IL1RAPL1: variants seen among roughly 807,000 people sequenced by gnomAD.
The protein encoded by IL1RAPL1 is interleukin 1 receptor accessory protein like 1, also known as interleukin-1 receptor accessory protein-like 1.
IL1RAPL1 carries 3 observed loss-of-function variants against 48.4 expected under a neutral mutation model. That is an observed-to-expected ratio of 0.06 (90% CI 0.03 to 0.16). The LOEUF (loss-of-function observed/expected upper bound fraction) is 0.16. Among genes scored for constraint, IL1RAPL1 ranks in the 10% least tolerant of loss-of-function variants. The pLI is 1.00. For missense variants in IL1RAPL1, 349 were observed against 530.6 expected (o/e 0.66, Z 3.36); for synonymous variants, 185 against 187.7 (o/e 0.99, Z 0.12).
chrX:29,778,001 G>T (rs887370256), intron 6 of IL1RAPL1, among the ~76,000 whole-genome samples: 1 of 105,487 alleles, frequency 9.5e-6, no homozygotes, highest in Admixed American at 1.0e-4. Flanking sequence ...TCATTTATAC[G>T]ATATATATTG....
chrX:29,540,729 T>C (rs1281760265), intron 5 of IL1RAPL1, among the ~76,000 whole-genome samples: 1 of 111,928 alleles, frequency 8.9e-6, no homozygotes, highest in Non-Finnish European at 1.9e-5. Flanking sequence ...GCTAGCCATA[T>C]GCAGAATAAT....
At chrX:28,703,917 C>T (rs1024655848) in intron 1 of IL1RAPL1, among the ~76,000 whole-genome samples, 4 of 111,854 alleles carry the variant, frequency 3.6e-5, no homozygotes, top group Non-Finnish European at 7.5e-5. Flanking sequence ...ACCTAGCTTG[C>T]TCTCTTTTCT....
intron 1 of IL1RAPL1, among the ~76,000 whole-genome samples, chrX:28,722,008 T>A (rs1935590367): frequency 9.0e-6 from 1 of 111,679 alleles, no homozygotes; most frequent in African/African-American, 3.3e-5. Context: ...CCTTGTAGTA[T>A]AGTTTGAAGT....
At chrX:29,507,024 T>A (rs777619041) in intron 5 of IL1RAPL1, among the ~76,000 whole-genome samples, 14 of 109,784 alleles carry the variant, frequency 1.3e-4, no homozygotes, top group African/African-American at 4.3e-4. Flanking sequence ...ATTCTCTTAT[T>A]CTCTGTCAGA....
chrX:29,456,854 C>A (rs1459671411), intron 5 of IL1RAPL1, among the ~76,000 whole-genome samples: 3 of 111,727 alleles, frequency 2.7e-5, no homozygotes, highest in African/African-American at 9.7e-5. Context: ...TGAGCCCAAG[C>A]TGGTACGGTA....
At chrX:29,069,382 G>A (rs1054081678) in intron 2 of IL1RAPL1, among the ~76,000 whole-genome samples, 3 of 111,468 alleles carry the variant, frequency 2.7e-5, no homozygotes, top group African/African-American at 9.8e-5. Context: ...GAATGTGGAG[G>A]TTGTCATAAA....
chrX:29,611,311 A>G (rs1024173060), intron 5 of IL1RAPL1, among the ~76,000 whole-genome samples: 2 of 111,964 alleles, frequency 1.8e-5, no homozygotes, highest in Non-Finnish European at 3.8e-5. Flanking sequence ...ACAGTCTTAT[A>G]CTAACCTGAA....
intron 8 of IL1RAPL1, 124 bp downstream of exon 8, chrX:29,920,218 A>G (rs1932834674): frequency 1.1e-6 from 1 of 886,476 alleles, no homozygotes. Flanking sequence ...TAAAATAATC[A>G]TATTTGCATT....
chrX:28,966,962 C>A (rs894848724), intron 2 of IL1RAPL1, among the ~76,000 whole-genome samples: 5 of 111,944 alleles, frequency 4.5e-5, no homozygotes, highest in Admixed American at 9.5e-5. Flanking sequence ...TCAATTAGGA[C>A]TGGTTCAATT....
At chrX:29,774,633 A>T (rs1177333293) in intron 6 of IL1RAPL1, among the ~76,000 whole-genome samples, 2 of 111,908 alleles carry the variant, frequency 1.8e-5, no homozygotes. Context: ...GTTTGTTATA[A>T]ATTTCAGTGT....
intron 5 of IL1RAPL1, among the ~76,000 whole-genome samples, chrX:29,502,127 G>T (rs1285512110): frequency 2.7e-5 from 3 of 110,810 alleles, no homozygotes; most frequent in Non-Finnish European, 5.7e-5. Context: ...TTTTGAGATT[G>T]CTTGCTGTTG....
intron 2 of IL1RAPL1, among the ~76,000 whole-genome samples, chrX:29,236,654 A>G (rs1239767591): frequency 5.4e-5 from 3 of 55,184 alleles, no homozygotes; most frequent in Non-Finnish European, 7.2e-5. Context: ...CTGGGTTCAC[A>G]CCATTCTCCT....
intron 2 of IL1RAPL1, among the ~76,000 whole-genome samples, chrX:29,153,695 A>T (rs1235487989): frequency 8.9e-6 from 1 of 112,483 alleles, no homozygotes; most frequent in East Asian, 2.8e-4. Flanking sequence ...TGTCATTATC[A>T]TAGCTGATTA....
chrX:28,815,837 A>ATGTATGTGTGTG (rs1555926459), intron 2 of IL1RAPL1, among the ~76,000 whole-genome samples: 31 of 41,551 alleles, frequency 7.5e-4, no homozygotes, highest in African/African-American at 4.1e-3. Context: ...ATGTGTGTTT[A>ATGTATGTGTGTG]TGTATATATA....
chrX:28,661,959 C>T (rs1045311955), intron 1 of IL1RAPL1, among the ~76,000 whole-genome samples: 11 of 111,540 alleles, frequency 9.9e-5, no homozygotes, highest in East Asian at 5.6e-4. Flanking sequence ...TAAAAGACTT[C>T]TAAGTAGGAG....
At chrX:29,905,843 G>A (rs1198677666) in intron 6 of IL1RAPL1, among the ~76,000 whole-genome samples, 1 of 111,446 alleles carries the variant, frequency 9.0e-6, no homozygotes, top group Non-Finnish European at 1.9e-5. Context: ...TTTTGCTGAT[G>A]TGATATGAGG....
chrX:29,812,427 G>A (rs930630471), intron 6 of IL1RAPL1, among the ~76,000 whole-genome samples: 1 of 110,895 alleles, frequency 9.0e-6, no homozygotes, highest in Non-Finnish European at 1.9e-5. Flanking sequence ...ATCTTTCAAC[G>A]AAATGGCTTT....
intron 5 of IL1RAPL1, among the ~76,000 whole-genome samples, chrX:29,487,134 C>T (rs996965693): frequency 1.4e-4 from 16 of 111,727 alleles, no homozygotes; most frequent in African/African-American, 4.2e-4. Flanking sequence ...ATAACATTCA[C>T]GAGTCTGCCC....
At chrX:29,656,869 A>ATGG (rs750477594) in intron 5 of IL1RAPL1, among the ~76,000 whole-genome samples, 2 of 111,271 alleles carry the variant, frequency 1.8e-5, no homozygotes, top group Non-Finnish European at 3.8e-5. Flanking sequence ...GGGAGAAGAG[A>ATGG]TGGTGGTGGT....
Sources: allele counts gnomAD v4.1 joint callset (sites outside exome capture counted in the v4.1 genomes callset), GRCh38; gene constraint gnomAD v4.1.1; transcripts MANE v1.5; gene names NCBI Gene and HGNC (gene_info 2026-07-23, HGNC 2026-07-21).